The following RCN3 variants were observed in gnomAD, a reference collection of about 807,000 sequenced individuals.
RCN3 encodes the protein reticulocalbin 3, also known as reticulocalbin-3.
A neutral mutation model predicts 35.9 loss-of-function variants in RCN3; 41 were observed. That is an observed-to-expected ratio of 1.14 (90% CI 0.89 to 1.48). The LOEUF is 1.48. Among genes scored for constraint, RCN3 ranks in the 40% most tolerant of loss-of-function variants. RCN3 has a pLI of 0.00. For missense variants in RCN3, 451 were observed against 471.3 expected (o/e 0.96, Z 0.40); for synonymous variants, 187 against 193.4 (o/e 0.97, Z 0.27).
chr19:49,528,780 G>C (rs560144692), intron 2 of RCN3, 66 bp downstream of exon 2: 36 of 1,447,074 alleles, frequency 2.5e-5, no homozygotes, highest in Non-Finnish European at 3.1e-5. Context: ...CGGGGGTATC[G>C]ACAGGGGTCA....
chr19:49,539,301 CA>C (rs1206815579), intron 5 of RCN3, 122 bp downstream of exon 5: 2 of 704,734 alleles, frequency 2.8e-6, no homozygotes, highest in Non-Finnish European at 4.7e-6. Context: ...GACATGGGGG[CA>C]GGGGCACTCA....
At chr19:49,532,663 C>T (rs548548946) in intron 2 of RCN3, among the ~76,000 whole-genome samples, 9 of 151,360 alleles carry the variant, frequency 5.9e-5, no homozygotes, top group East Asian at 3.9e-4. Context: ...CGTGAGCCAC[C>T]GTGCCCGGCC....
rs948989137 is a variant in RCN3 at position 49,543,280 on chromosome 19, GCCC to G, written c.*70_*72del. On this transcript the variant is annotated 3_prime_UTR_variant, in exon 7 of 7. Coordinates refer to ENST00000270645, the MANE Select transcript of RCN3 (RefSeq NM_020650.3). Reference sequence around the variant, plus strand: ...CCGGAGGAGGGGCCGCTGTGGTCTGGCCCCCTCCCTGTCCAGGCCCCGCAGGAG... The same window carrying G: ...CCGGAGGAGGGGCCGCTGTGGTCTGGCCTCCCTGTCCAGGCCCCGCAGGAG... 1.5e-6 allele frequency: 2 copies of G among 1,302,962 alleles called. No homozygotes were observed. Among genetic ancestry groups the G allele is most frequent in the African/African-American group, 2.9e-5 (2 of 67,978 alleles). The allele number at this position is 1,302,962 out of a possible 1,614,324, so 80.7% of individuals were successfully genotyped here. A position where few individuals can be genotyped will look rare whatever the true frequency, so the allele number is the denominator to read the frequency against.
chr19:49,534,148 T>TG (rs559377349), intron 2 of RCN3, 45 bp from the exon 3 acceptor site: 31 of 1,441,544 alleles, frequency 2.2e-5, no homozygotes, highest in African/African-American at 2.1e-4. Flanking sequence ...GGGCGGGGCC[T>TG]GGGGGCGGGA....
intron 2 of RCN3, among the ~76,000 whole-genome samples, chr19:49,529,738 A>AT (rs1463620669): frequency 6.8e-6 from 1 of 146,038 alleles, no homozygotes; most frequent in Non-Finnish European, 1.5e-5. Flanking sequence ...GGGAGTTGCA[A>AT]TTTTTATTTA....
At chr19:49,530,562 T>A (rs1276658293) in intron 2 of RCN3, among the ~76,000 whole-genome samples, 3 of 147,046 alleles carry the variant, frequency 2.0e-5, no homozygotes, top group Non-Finnish European at 4.5e-5. Flanking sequence ...AGTGGCGCAA[T>A]CTCGGCTCAC....
At chr19:49,533,583 G>A (rs1291649134) in intron 2 of RCN3, among the ~76,000 whole-genome samples, 2 of 152,094 alleles carry the variant, frequency 1.3e-5, no homozygotes, top group Non-Finnish European at 2.9e-5. Context: ...CCGGGGTTGC[G>A]GGTGATGGTC....
intron 4 of RCN3, 70 bp from the exon 5 acceptor site, chr19:49,539,049 C>T: frequency 8.5e-7 from 1 of 1,176,478 alleles, no homozygotes. Flanking sequence ...TCACTCTTAC[C>T]CCAGGGGTCC....
Position 49,534,439 on chromosome 19 carries a change from C to CTGACCT in RCN3, c.445+46_445+51dup. On this transcript the variant is annotated intron_variant, in intron 3 of 6. Transcript: ENST00000270645. ...ACCCTGCTCCCCATACACCGTGACCCTGACCTTCTGGACCGCCTCATTCTG... is the reference window on the plus strand; with the variant it reads ...ACCCTGCTCCCCATACACCGTGACCCTGACCTTGACCTTCTGGACCGCCTCATTCTG... 2.6e-6 allele frequency: 4 copies of CTGACCT among 1,525,264 alleles called. No homozygotes were observed. The Admixed American group carries it at 8.0e-5, about 30-fold the overall frequency. The allele number at this position is 1,525,264 out of a possible 1,614,324, so 94.5% of individuals were successfully genotyped here. A position where few individuals can be genotyped will look rare whatever the true frequency, so the allele number is the denominator to read the frequency against.
intron 2 of RCN3, 106 bp downstream of exon 2, chr19:49,528,820 TTTGTG>T: frequency 2.3e-6 from 3 of 1,303,642 alleles, no homozygotes; most frequent in Non-Finnish European, 3.0e-6. Flanking sequence ...ACTTCATTTC[TTTGTG>T]AGAAATGAAA....
chr19:49,536,153 A>AT (rs1470319955), intron 3 of RCN3, among the ~76,000 whole-genome samples: 5 of 148,188 alleles, frequency 3.4e-5, no homozygotes, highest in South Asian at 2.1e-4. Flanking sequence ...CGCCTGGCTA[A>AT]TTTTGTATTT....
At chr19:49,532,879 T>C (rs902078787) in intron 2 of RCN3, among the ~76,000 whole-genome samples, 1 of 152,070 alleles carries the variant, frequency 6.6e-6, no homozygotes, top group South Asian at 2.1e-4. Context: ...TTTCACCATG[T>C]GGACCAGGCT....
chr19:49,528,228 G>A, intron 1 of RCN3, 170 bp downstream of exon 1: 1 of 442,128 alleles, frequency 2.3e-6, no homozygotes, highest in Non-Finnish European at 4.0e-6. Context: ...ATTCCCCCTG[G>A]CAGGTCTGGG....
In RCN3 at chr19:49,543,119, G is replaced by A. The variant is rs1269088486; in HGVS notation, c.893G>A (p.Ser298Asn). 5.0e-6 allele frequency: 8 copies of A among 1,614,142 alleles called. 1 individual carries two copies. In the South Asian group the frequency reaches 8.8e-5, roughly 18 times the overall value. The change falls in exon 7 of 7, where the codon AGC (serine) becomes AAC (asparagine). Residue 298 changes from serine (S) to asparagine (N), a missense_variant. Ser to Asn is a conservative substitution (Grantham distance 46). Coordinates refer to ENST00000270645, the MANE Select transcript of RCN3 (RefSeq NM_020650.3). ...ESDTDKDGRL[S>N]KAEILGNWNM... ...CCCTCCCTCCAGGATGGGCGGCTGAGCAAAGCGGAAATCCTGGGTAATTGG... is the reference window on the plus strand; with the variant it reads ...CCCTCCCTCCAGGATGGGCGGCTGAACAAAGCGGAAATCCTGGGTAATTGG...
In RCN3 at chr19:49,543,173, A is replaced by G; in HGVS notation, c.947A>G (p.Asn316Ser). 1 of 1,614,080 alleles carries G rather than the reference A, an allele frequency of 6.2e-7. No homozygotes were observed. Among genetic ancestry groups the G allele is most frequent in the East Asian group, 2.2e-5 (1 of 44,866 alleles). Residue 316 changes from asparagine (N) to serine (S), a missense_variant, in exon 7 of 7, where the codon AAC becomes AGC. Transcript: ENST00000270645. Reference sequence around the variant, plus strand: ...ATGTTTGTGGGCAGTCAGGCCACCAACTATGGCGAGGACCTGACCCGGCAC... The same window carrying G: ...ATGTTTGTGGGCAGTCAGGCCACCAGCTATGGCGAGGACCTGACCCGGCAC... ...WNMFVGSQAT[N>S]YGEDLTRHHD...
chr19:49,543,549 A>C lies in RCN3; in HGVS notation c.*336A>C. The C allele has an allele frequency of 2.4e-5, 7 of 291,338 alleles. No individual in the cohort carries two copies. Among genetic ancestry groups the C allele is most frequent in the East Asian group, 1.4e-4 (2 of 14,648 alleles). The allele number at this position is 291,338 out of a possible 1,614,324, so 18.0% of individuals were successfully genotyped here. A position where few individuals can be genotyped will look rare whatever the true frequency, so the allele number is the denominator to read the frequency against. On this transcript the variant is annotated 3_prime_UTR_variant, in exon 7 of 7. Coordinates refer to ENST00000270645, the MANE Select transcript of RCN3 (RefSeq NM_020650.3). ...CTGAGCCTCCACCACATAGACTGAAACTCCCCTGGCCCCAGCCCTCTCCTG... is the reference window on the plus strand; with the variant it reads ...CTGAGCCTCCACCACATAGACTGAACCTCCCCTGGCCCCAGCCCTCTCCTG...
chr19:49,540,781 T>C (rs2080159358), intron 5 of RCN3, among the ~76,000 whole-genome samples: 1 of 151,634 alleles, frequency 6.6e-6, no homozygotes, highest in Non-Finnish European at 1.5e-5. Flanking sequence ...CCTCTGGAGA[T>C]ACTTCTGGTT....
At position 49,538,736 on chromosome 19, in the gene RCN3, G is replaced by A. The variant is rs2080148907; in HGVS notation, c.619-383G>A. 2.0e-5 allele frequency among the ~76,000 whole-genome samples: 3 copies of A among 152,162 alleles called. No homozygotes were observed. In the South Asian group the frequency reaches 6.2e-4, roughly 31 times the overall value. ...CAGAAGAAGCCCCAAAGTGCACCAT[G>A]TTCACACATAAAGCAGAGGTAGGTT... On this transcript the variant is annotated intron_variant, in intron 4 of 6. Coordinates refer to ENST00000270645, the MANE Select transcript of RCN3 (RefSeq NM_020650.3).
chr19:49,531,765 C>T (rs985821800), intron 2 of RCN3, among the ~76,000 whole-genome samples: 1 of 152,132 alleles, frequency 6.6e-6, no homozygotes, highest in Non-Finnish European at 1.5e-5. Context: ...GCACTAATGG[C>T]AATGCCAGGC....
Sources: allele counts gnomAD v4.1 joint callset (sites outside exome capture counted in the v4.1 genomes callset), GRCh38; gene constraint gnomAD v4.1.1; transcripts MANE v1.5; gene names NCBI Gene and HGNC (gene_info 2026-07-23, HGNC 2026-07-21).